The following FAR1 variants were observed in gnomAD, a reference collection of about 807,000 sequenced individuals.
The protein encoded by FAR1 is fatty acyl-CoA reductase 1, also known as male sterility domain-containing protein 2.
Under a neutral mutation model 61.1 loss-of-function variants are expected in FAR1, and 22 were observed. The observed-to-expected ratio is 0.36, with a 90% CI of 0.26 to 0.51. The LOEUF (loss-of-function observed/expected upper bound fraction) is 0.51. Among genes scored for constraint, FAR1 ranks in the 20% least tolerant of loss-of-function variants. FAR1 has a pLI of 0.95. For missense variants in FAR1, 359 were observed against 626.9 expected, an observed-to-expected ratio of 0.57 and a Z score of 4.56; for synonymous variants, 206 against 209.7, an observed-to-expected ratio of 0.98 and a Z score of 0.15.
intron 5 of FAR1, chr11:13,711,208 A>G (rs1003959349): frequency 3.5e-6 from 1 of 284,344 alleles, no homozygotes; most frequent in African/African-American, 2.3e-5. Flanking sequence ...GTAGATCACA[A>G]AGTAAAAAAG....
intron 1 of FAR1, chr11:13,685,728 A>G (rs1848178632): frequency 1.3e-5 from 2 of 152,470 alleles, no homozygotes; most frequent in South Asian, 4.1e-4. Flanking sequence ...TTTAACAGTA[A>G]AATTTCTATA....
At chr11:13,682,819 C>T (rs1043446627) in intron 1 of FAR1, among the ~76,000 whole-genome samples, 4 of 151,774 alleles carry the variant, frequency 2.6e-5, no homozygotes, top group African/African-American at 7.3e-5. Flanking sequence ...GCCTTGTTGC[C>T]AAGGCTGGTC....
chr11:13,672,442 G>T (rs558184816), intron 1 of FAR1, among the ~76,000 whole-genome samples: 2 of 151,216 alleles, frequency 1.3e-5, no homozygotes, highest in Non-Finnish European at 2.9e-5. Flanking sequence ...TGTAATCCCA[G>T]CTACTTGGGG....
chr11:13,730,474 T>C lies in FAR1; in HGVS notation c.*1700T>C, dbSNP rs2134205517. The C allele has an allele frequency of 6.6e-6, 1 of 152,368 alleles. No homozygotes were observed. The highest frequency in any genetic ancestry group is 3.4e-3 in the Middle Eastern group (1 of 294). 9.4% of individuals were successfully genotyped at this position (152,368 alleles called of 1,614,324 possible). A position where few individuals can be genotyped will look rare whatever the true frequency, so the allele number is the denominator to read the frequency against. The stretch of plus-strand genomic sequence containing the variant: ...CTCTGGTCTAGGACCATACCTTATA[T>C]AAAGGTATAAGAGACCATGACAATG... On this transcript the variant is annotated 3_prime_UTR_variant, in exon 12 of 12. Transcript: ENST00000354817.
intron 7 of FAR1, among the ~76,000 whole-genome samples, chr11:13,712,616 C>T (rs1388350018): frequency 6.6e-6 from 1 of 151,672 alleles, no homozygotes; most frequent in African/African-American, 2.4e-5. Flanking sequence ...GAAACTTAGT[C>T]CATAATTTTT....
intron 1 of FAR1, among the ~76,000 whole-genome samples, chr11:13,673,012 T>TA (rs1267711733): frequency 2.6e-5 from 4 of 152,224 alleles, no homozygotes; most frequent in African/African-American, 9.6e-5. Flanking sequence ...GCAACAGGCT[T>TA]AGAGTTTCAG....
intron 1 of FAR1, among the ~76,000 whole-genome samples, chr11:13,681,301 C>T (rs1848124044): frequency 6.6e-6 from 1 of 152,156 alleles, no homozygotes; most frequent in South Asian, 2.1e-4. Flanking sequence ...ATAGGTCCAA[C>T]ATGGGTTGGT....
intron 1 of FAR1, among the ~76,000 whole-genome samples, chr11:13,684,536 A>C (rs191942572): frequency 6.6e-6 from 1 of 152,324 alleles, no homozygotes; most frequent in African/African-American, 2.4e-5. Flanking sequence ...AAGAAACTGC[A>C]GACCCAAACA....
intron 7 of FAR1, among the ~76,000 whole-genome samples, chr11:13,712,755 T>A (rs532252720): frequency 1.3e-4 from 19 of 151,706 alleles, no homozygotes; most frequent in East Asian, 9.7e-4. Flanking sequence ...CTGTATTTTT[T>A]AAAATAAGTT....
At chr11:13,678,993 A>G (rs1848097572) in intron 1 of FAR1, among the ~76,000 whole-genome samples, 2 of 152,310 alleles carry the variant, frequency 1.3e-5, no homozygotes, top group South Asian at 4.1e-4. Flanking sequence ...GGTATGTAGT[A>G]TATATGTAGT....
In FAR1 at chr11:13,721,357, A is replaced by G. The variant is rs1848607722; in HGVS notation, c.1128-373A>G. 1 of 161,176 alleles carries G rather than the reference A, an allele frequency of 6.2e-6. No individual in the cohort carries two copies. Among genetic ancestry groups the G allele is most frequent in the African/African-American group, 2.4e-5 (1 of 41,542 alleles). 10.0% of individuals were successfully genotyped at this position (161,176 alleles called of 1,614,324 possible). A position where few individuals can be genotyped will look rare whatever the true frequency, so the allele number is the denominator to read the frequency against. On this transcript the variant is annotated intron_variant, in intron 9 of 11. Transcript: ENST00000354817. This position sits in a 1 kb window ranked among gnomAD's most constrained non-coding sequence, Gnocchi z 4.2. ...CAAATGCAGCTGTGAATTAAAATGT[A>G]GTTTAAGGAATAGAAAGCAAGGAAA... is the stretch of plus-strand genomic sequence containing the variant.
In FAR1 at chr11:13,729,008, A is replaced by G. The variant is rs1591275264; in HGVS notation, c.*234A>G. On this transcript the variant is annotated 3_prime_UTR_variant, in exon 12 of 12. Transcript: ENST00000354817. Reference sequence around the variant, plus strand: ...CAGTAGCCACCAAAACCATGACTTAATATTTTGAGCCCTAGAAGAAAGGGG... The same window carrying G: ...CAGTAGCCACCAAAACCATGACTTAGTATTTTGAGCCCTAGAAGAAAGGGG... The G allele has an allele frequency of 2.7e-6, 1 of 365,432 alleles. No homozygotes were observed. Among genetic ancestry groups the G allele is most frequent in the East Asian group, 4.8e-5 (1 of 20,684 alleles). 22.6% of individuals were successfully genotyped at this position (365,432 alleles called of 1,614,324 possible).
chr11:13,670,700 T>C (rs1428777107), intron 1 of FAR1, among the ~76,000 whole-genome samples: 1 of 150,950 alleles, frequency 6.6e-6, no homozygotes, highest in Non-Finnish European at 1.5e-5. Context: ...ATTTTGTAGC[T>C]AAGTAGCTTG....
intron 1 of FAR1, among the ~76,000 whole-genome samples, chr11:13,676,569 A>C (rs12362942): frequency 0.024 from 3,665 of 152,266 alleles, 67 homozygotes; most frequent in Non-Finnish European, 0.032. Context: ...GCCCTGAGAT[A>C]CAAGTGCTCA....
At chr11:13,719,576 G>T (rs550968368) in intron 9 of FAR1, among the ~76,000 whole-genome samples, 1 of 152,138 alleles carries the variant, frequency 6.6e-6, no homozygotes, top group East Asian at 1.9e-4. Context: ...TTAAAAAATG[G>T]CTCCATGATC....
At chr11:13,679,438 A>G (rs539878897) in intron 1 of FAR1, among the ~76,000 whole-genome samples, 18 of 152,134 alleles carry the variant, frequency 1.2e-4, no homozygotes, top group African/African-American at 1.7e-4. Flanking sequence ...TCCCCCTCCA[A>G]TTTCTCTAAC....
chr11:13,700,580 T>G, intron 3 of FAR1, 88 bp downstream of exon 3: 1 of 861,606 alleles, frequency 1.2e-6, no homozygotes, highest in South Asian at 2.9e-5. Context: ...CAATTTGTTT[T>G]GAATGTGATT....
intron 11 of FAR1, among the ~76,000 whole-genome samples, chr11:13,728,037 C>T (rs1266111220): frequency 3.3e-5 from 5 of 151,838 alleles, no homozygotes; most frequent in Non-Finnish European, 7.4e-5. Context: ...CCTCTTTTCT[C>T]TACATCATTT....
intron 1 of FAR1, among the ~76,000 whole-genome samples, chr11:13,686,975 A>G (rs1848193619): frequency 6.6e-6 from 1 of 152,192 alleles, no homozygotes; most frequent in Admixed American, 6.5e-5. Context: ...AAATGAGGAA[A>G]CAGGTTCAGA....
Sources: allele counts gnomAD v4.1 joint callset (sites outside exome capture counted in the v4.1 genomes callset), GRCh38; gene constraint gnomAD v4.1.1; non-coding constraint Gnocchi (gnomAD v3.1); transcripts MANE v1.5; gene names NCBI Gene and HGNC (gene_info 2026-07-23, HGNC 2026-07-21).